SHANK2: variants seen among roughly 807,000 people sequenced by gnomAD.
SHANK2 encodes SH3 and multiple ankyrin repeat domains protein 2.
In SHANK2, 43 loss-of-function variants were observed where a neutral mutation model predicts 133.7. That is an observed-to-expected ratio of 0.32 (90% confidence interval 0.25 to 0.41). The LOEUF (loss-of-function observed/expected upper bound fraction) is 0.41, where lower values mean the gene tolerates loss of function less well. SHANK2 is among the 10% of genes least tolerant of loss of function. The probability of loss-of-function intolerance (pLI) is 1.00; values close to 1 mark genes in which losing one functional copy is unlikely to be tolerated. For synonymous variants in SHANK2, 1,017 were observed against 952.8 expected (o/e 1.07, Z -1.24); for missense variants, 1,994 against 2,235.8 (o/e 0.89, Z 2.18).
intron 10 of SHANK2, chr11:70,942,917 C>A (rs1950668027): frequency 2.2e-5 from 10 of 454,038 alleles, no homozygotes; most frequent in South Asian, 1.6e-4. Context: ...GTGCTGGGTG[C>A]CAGGAGAATA....
intron 22 of SHANK2, among the ~76,000 whole-genome samples, chr11:70,491,031 G>C (rs1458046667): frequency 6.6e-6 from 1 of 152,210 alleles, no homozygotes; most frequent in Non-Finnish European, 1.5e-5. Flanking sequence ...CCCAGGAGGA[G>C]CCTAGAGCTC....
At chr11:71,094,829 G>C in intron 6 of SHANK2, 141 bp from the exon 7 acceptor site, 1 of 949,354 alleles carries the variant, frequency 1.1e-6, no homozygotes. Context: ...CACCACCTGG[G>C]AACCCCAAGA....
At chr11:70,819,352 G>T (rs1022986893) in intron 12 of SHANK2, among the ~76,000 whole-genome samples, 1 of 152,256 alleles carries the variant, frequency 6.6e-6, no homozygotes, top group Non-Finnish European at 1.5e-5. Flanking sequence ...GTACCCATGA[G>T]AATGTGGAGG....
At chr11:70,829,201 C>T (rs1243519665) in intron 11 of SHANK2, among the ~76,000 whole-genome samples, 1 of 152,190 alleles carries the variant, frequency 6.6e-6, no homozygotes, top group Non-Finnish European at 1.5e-5. Flanking sequence ...CGGGGGCCTC[C>T]AATGTCAAAT....
intron 21 of SHANK2, among the ~76,000 whole-genome samples, chr11:70,498,851 T>C (rs2059009538): frequency 6.6e-6 from 1 of 152,170 alleles, no homozygotes; most frequent in Non-Finnish European, 1.5e-5. Context: ...CTTGGCTTGT[T>C]CCTTCCTTCT....
At chr11:71,091,378 C>T (rs1350234965) in intron 8 of SHANK2, among the ~76,000 whole-genome samples, 1 of 152,176 alleles carries the variant, frequency 6.6e-6, no homozygotes, top group Non-Finnish European at 1.5e-5. Context: ...ACCCCCACTG[C>T]CCAGTCTGAC....
chr11:70,716,901 C>CA (rs1334370810), intron 14 of SHANK2, among the ~76,000 whole-genome samples: 15 of 149,524 alleles, frequency 1.0e-4, no homozygotes, highest in African/African-American at 3.2e-4. Context: ...CGGAGCCCCC[C>CA]CCCCGCCCAA....
intron 17 of SHANK2, among the ~76,000 whole-genome samples, chr11:70,524,314 T>A (rs1451117651): frequency 6.6e-6 from 1 of 152,218 alleles, no homozygotes; most frequent in African/African-American, 2.4e-5. Context: ...CACGCTCGCC[T>A]TACCAGCGTG....
At chr11:70,546,223 A>G (rs35488398) in intron 17 of SHANK2, among the ~76,000 whole-genome samples, 60,668 of 151,116 alleles carry the variant, frequency 0.4, 13,096 homozygotes, top group East Asian at 0.79. Flanking sequence ...ACAGGTGTGA[A>G]CCACTGCGCC....
rs2060023264 is a variant in SHANK2, at chr11:70,569,859, G to A, written c.2062-66928C>T. On this transcript the variant is annotated intron_variant, in intron 17 of 25. Transcript: ENST00000601538. The surrounding 1 kb of genome is among the most constrained non-coding windows in gnomAD (Gnocchi z 5.1). Reference sequence around the variant, plus strand: ...CTGAGGCCGGCACAAAGAAGCAAGGGCAGGAGGTCAGTACGAGGAGACGGG... The same window carrying A: ...CTGAGGCCGGCACAAAGAAGCAAGGACAGGAGGTCAGTACGAGGAGACGGG... 6.6e-6 allele frequency among the ~76,000 whole-genome samples: 1 copy of A among 152,112 alleles called. No individual in the cohort carries two copies. Among genetic ancestry groups the A allele is most frequent in the South Asian group, 2.1e-4 (1 of 4,824 alleles).
At chr11:70,782,951 A>G (rs1555045530) in intron 14 of SHANK2, among the ~76,000 whole-genome samples, 6 of 152,158 alleles carry the variant, frequency 3.9e-5, no homozygotes. Flanking sequence ...CGGACCCGCA[A>G]TGTGATGGGG....
At chr11:70,788,857 A>G (rs1555047282) in intron 14 of SHANK2, among the ~76,000 whole-genome samples, 3 of 152,186 alleles carry the variant, frequency 2.0e-5, no homozygotes, top group African/African-American at 7.2e-5. Context: ...GGAGCAACGC[A>G]CTGCTCTCAG....
chr11:71,096,623 G>A (rs887038076), intron 6 of SHANK2, among the ~76,000 whole-genome samples: 1 of 152,108 alleles, frequency 6.6e-6, no homozygotes, highest in African/African-American at 2.4e-5. Context: ...TGGGGCTGTC[G>A]GGAGCCACCA....
intron 10 of SHANK2, among the ~76,000 whole-genome samples, chr11:70,947,806 T>A (rs576963807): frequency 6.6e-6 from 1 of 152,252 alleles, no homozygotes; most frequent in East Asian, 1.9e-4. Context: ...TTTACCAACG[T>A]TGCTTCCCAT....
At chr11:70,870,322 A>G (rs1244609840) in intron 11 of SHANK2, among the ~76,000 whole-genome samples, 4 of 152,178 alleles carry the variant, frequency 2.6e-5, no homozygotes, top group Non-Finnish European at 4.4e-5. Flanking sequence ...AGGGAGGGGC[A>G]GATTCAGGAA....
chr11:71,152,934 C>G (rs1392561947), intron 2 of SHANK2, among the ~76,000 whole-genome samples: 1 of 152,202 alleles, frequency 6.6e-6, no homozygotes, highest in African/African-American at 2.4e-5. Flanking sequence ...GCAGAAGGCG[C>G]AAGTCCCATC....
At chr11:70,909,173 T>C (rs891296008) in intron 10 of SHANK2, among the ~76,000 whole-genome samples, 4 of 152,228 alleles carry the variant, frequency 2.6e-5, no homozygotes, top group Admixed American at 2.6e-4. Context: ...AAGGACATCA[T>C]TTGCTCCCAG....
At chr11:71,205,086 G>A (rs1954102390) in intron 2 of SHANK2, among the ~76,000 whole-genome samples, 1 of 152,128 alleles carries the variant, frequency 6.6e-6, no homozygotes, top group Non-Finnish European at 1.5e-5. Context: ...AAGGCCCCAA[G>A]TGCCCAGGGA....
intron 10 of SHANK2, among the ~76,000 whole-genome samples, chr11:70,924,392 G>C (rs1950397585): frequency 6.6e-6 from 1 of 152,142 alleles, no homozygotes; most frequent in Admixed American, 6.5e-5. Flanking sequence ...AACACCAGGG[G>C]CTCTGTCCAA....
Sources: allele counts gnomAD v4.1 joint callset (sites outside exome capture counted in the v4.1 genomes callset), GRCh38; gene constraint gnomAD v4.1.1; non-coding constraint Gnocchi (gnomAD v3.1); transcripts MANE v1.5; gene names NCBI Gene and HGNC (gene_info 2026-07-23, HGNC 2026-07-21).